Variants in SRSF10 observed in about 807,000 individuals in gnomAD.
The protein encoded by SRSF10 is serine/arginine-rich splicing factor 10.
Under a neutral mutation model 32.6 loss-of-function variants are expected in SRSF10, and 9 were observed. The ratio of observed to expected loss-of-function variants is 0.28; its 90% CI spans 0.17 to 0.48. The LOEUF (loss-of-function observed/expected upper bound fraction) is 0.48. Among genes scored for constraint, SRSF10 ranks in the 20% least tolerant of loss-of-function variants. The pLI is 0.99. For missense variants in SRSF10, 201 were observed against 331.8 expected (o/e 0.61, Z 3.06); for synonymous variants, 105 against 112.4 (o/e 0.93, Z 0.42).
chr1:23,974,966 G>GTAC lies in SRSF10; in HGVS notation c.274+5_274+7dup. On this transcript the variant is annotated splice_region_variant and intron_variant, in intron 3 of 5. Coordinates refer to ENST00000492112, the MANE Select transcript of SRSF10 (RefSeq NM_054016.4). ...TGTTTCATACATATCAGGCATAAGGGTACTTACTCTTTCGATCCCCCTGGG... is the reference window on the plus strand; with the variant it reads ...TGTTTCATACATATCAGGCATAAGGGTACTACTTACTCTTTCGATCCCCCTGGG... The GTAC allele has an allele frequency of 6.3e-7, 1 of 1,589,556 alleles. No individual in the cohort carries two copies. The highest frequency in any genetic ancestry group is 8.6e-7 in the Non-Finnish European group (1 of 1,157,952).
chr1:23,978,391 T>A, intron 2 of SRSF10: 1 of 819,116 alleles, frequency 1.2e-6, no homozygotes, highest in Non-Finnish European at 1.5e-6. Flanking sequence ...TACCAAATTT[T>A]AATTGCTAAG....
Position 23,971,227 on chromosome 1 carries a change from G to A in SRSF10, c.704C>T (p.Ser235Phe). Residue 235 changes from serine (S) to phenylalanine (F), a missense_variant, in exon 6 of 6, where the codon TCC becomes TTC. Ser to Phe is a radical substitution (Grantham distance 155). Around this residue, in one of 3 missense-constraint regions of SRSF10, gnomAD observed 159 missense variants for 196.7 expected, o/e 0.81. Coordinates refer to ENST00000492112, the MANE Select transcript of SRSF10 (RefSeq NM_054016.4). ...KESRKKEPPR[S>F]KSQSRSQSRS... ...AGACTGTGATCTTGACTGAGATTTG[G>A]ATCTAGGTGGTTCTTTTTTCCTTGA... 3 of 1,614,086 alleles carry A rather than the reference G, an allele frequency of 1.9e-6. No homozygotes were observed. The highest frequency in any genetic ancestry group is 1.1e-5 in the South Asian group (1 of 91,076).
chr1:23,972,021 T>C lies in SRSF10; in HGVS notation c.275-9A>G, dbSNP rs751419469. On this transcript the variant is annotated splice_polypyrimidine_tract_variant and intron_variant, in intron 3 of 5. Transcript: ENST00000492112. Reference sequence around the variant, plus strand: ...TTTCATCTGATTTGGTGCTAGGAAATACAAAGAACAGAAATATTTAAAAAT... The same window carrying C: ...TTTCATCTGATTTGGTGCTAGGAAACACAAAGAACAGAAATATTTAAAAAT... 204 of 1,473,886 alleles carry C rather than the reference T, an allele frequency of 1.4e-4. 6 individuals are homozygous for C. In the South Asian group the frequency reaches 2.9e-3, roughly 21 times the overall value. 91.3% of individuals were successfully genotyped at this position (1,473,886 alleles called of 1,614,324 possible).
At position 23,972,441 on chromosome 1, in the gene SRSF10, T is replaced by A. The variant is rs138271142; in HGVS notation, c.275-429A>T. Among the ~76,000 whole-genome samples, 674 of 151,216 alleles carry A rather than the reference T, an allele frequency of 4.5e-3. 4 individuals carry two copies. The highest frequency in any genetic ancestry group is 6.8e-3 in the Non-Finnish European group (462 of 67,720). ...TATGTGTTTTGGTGTCTTTTTTTTT[T>A]AATTATTTTAATTTTTGAGACCAGG... On this transcript the variant is annotated intron_variant, in intron 3 of 5. Transcript: ENST00000492112.
At chr1:23,980,034 G>A (rs1642366430) in intron 1 of SRSF10, among the ~76,000 whole-genome samples, 157 bp downstream of exon 1, 4 of 152,246 alleles carry the variant, frequency 2.6e-5, no homozygotes, top group Non-Finnish European at 5.9e-5. Context: ...CGCGGCGGCT[G>A]AGGCCCGCTG....
chr1:23,973,483 A>AT (rs1328861309), intron 3 of SRSF10, among the ~76,000 whole-genome samples: 3 of 152,126 alleles, frequency 2.0e-5, no homozygotes, highest in Admixed American at 2.0e-4. Flanking sequence ...AGCCTGGCTA[A>AT]TTTTTTATTT....
chr1:23,979,419 T>C (rs1642312496), intron 1 of SRSF10, among the ~76,000 whole-genome samples: 2 of 151,984 alleles, frequency 1.3e-5, no homozygotes, highest in Non-Finnish European at 2.9e-5. Context: ...TGTAGATTCA[T>C]TATTTGTGAA....
chr1:23,972,157 C>G (rs1641796590), intron 3 of SRSF10, 145 bp from the exon 4 acceptor site: 4 of 640,580 alleles, frequency 6.2e-6, no homozygotes, highest in Middle Eastern at 4.6e-4. Context: ...ACCTGTGATC[C>G]CACTACTTTG....
chr1:23,977,204 A>G, intron 2 of SRSF10: 1 of 152,204 alleles, frequency 6.6e-6, no homozygotes, highest in Non-Finnish European at 1.5e-5. Flanking sequence ...CTAACTTAAA[A>G]GTTTGAGGCT....
At chr1:23,974,658 G>A (rs1052111900) in intron 3 of SRSF10, among the ~76,000 whole-genome samples, 169 of 152,132 alleles carry the variant, frequency 1.1e-3, no homozygotes, top group African/African-American at 3.7e-3. Context: ...GTGAAACTCC[G>A]TCTCTACTAA....
chr1:23,975,147 C>T (rs1642007986), intron 2 of SRSF10, 70 bp from the exon 3 acceptor site: 4 of 1,194,534 alleles, frequency 3.3e-6, no homozygotes, highest in Non-Finnish European at 3.7e-6. Context: ...GTTGGTATGT[C>T]TGGAACAATT....
rs1362666098 is a variant in SRSF10, at chr1:23,969,510, C to T, written c.*1632G>A. The stretch of plus-strand genomic sequence containing the variant: ...TCCACAAACAGTATTTAAAATCCAT[C>T]GTTGTATTCTTTACAGGCAAAGCCT... On this transcript the variant is annotated 3_prime_UTR_variant, in exon 6 of 6. Coordinates refer to ENST00000492112, the MANE Select transcript of SRSF10 (RefSeq NM_054016.4). The T allele has an allele frequency of 2.0e-5, 20 of 985,230 alleles. No individual in the cohort carries two copies. In the African/African-American group the frequency reaches 2.1e-4, roughly 10 times the overall value. The allele number at this position is 985,230 out of a possible 1,614,324, so 61.0% of individuals were successfully genotyped here.
At position 23,971,148 on chromosome 1, in the gene SRSF10, G is replaced by T; in HGVS notation, c.783C>A (p.Gly261=). The T allele has an allele frequency of 6.2e-7, 1 of 1,603,942 alleles. No homozygotes were observed. The highest frequency in any genetic ancestry group is 8.5e-7 in the Non-Finnish European group (1 of 1,176,544). The change falls in exon 6 of 6, where the codon GGC becomes GGA. Residue 261 remains glycine, a synonymous_variant. Coordinates refer to ENST00000492112, the MANE Select transcript of SRSF10 (RefSeq NM_054016.4). ...ATGACCATGGTTTATACTATCAGTGGCCACTGGACTTAGGACTAGTCCAAG... is the reference window on the plus strand; with the variant it reads ...ATGACCATGGTTTATACTATCAGTGTCCACTGGACTTAGGACTAGTCCAAG... ...SRSWTSPKSS[G]H
intron 3 of SRSF10, among the ~76,000 whole-genome samples, chr1:23,974,191 C>G (rs1166467416): frequency 6.6e-6 from 1 of 152,038 alleles, no homozygotes; most frequent in Admixed American, 6.5e-5. Flanking sequence ...CGGGGTTTTA[C>G]CATGACCTTG....
intron 2 of SRSF10, chr1:23,978,303 G>A: frequency 1.0e-6 from 1 of 992,994 alleles, no homozygotes; most frequent in Non-Finnish European, 1.2e-6. Context: ...CAGCAAATTA[G>A]GGGACAATAT....
In SRSF10 at chr1:23,967,730, T is replaced by G; in HGVS notation, c.*3412A>C. 6.2e-7 allele frequency: 1 copy of G among 1,611,826 alleles called. No individual in the cohort carries two copies. Among genetic ancestry groups the G allele is most frequent in the Non-Finnish European group, 8.5e-7 (1 of 1,178,150 alleles). ...ATTCCAGCTGCAGTTTGGTCTTAAATAAAAGAAGGATGTTTGTCAGTTTGG... is the reference window on the plus strand; with the variant it reads ...ATTCCAGCTGCAGTTTGGTCTTAAAGAAAAGAAGGATGTTTGTCAGTTTGG... On this transcript the variant is annotated 3_prime_UTR_variant, in exon 6 of 6. Coordinates refer to ENST00000492112, the MANE Select transcript of SRSF10 (RefSeq NM_054016.4).
intron 3 of SRSF10, among the ~76,000 whole-genome samples, chr1:23,972,564 T>A (rs779521575): frequency 3.1e-4 from 47 of 151,954 alleles, no homozygotes; most frequent in Non-Finnish European, 5.9e-4. Flanking sequence ...TGCCTCAGCC[T>A]CCTGAGGAGC....
chr1:23,980,193 G>A lies in SRSF10; in HGVS notation c.63C>T (p.Thr21=). 4 of 1,529,584 alleles carry A rather than the reference G, an allele frequency of 2.6e-6. No individual in the cohort carries two copies. The highest frequency in any genetic ancestry group is 3.5e-6 in the Non-Finnish European group (4 of 1,136,960). The allele number at this position is 1,529,584 out of a possible 1,614,324, so 94.8% of individuals were successfully genotyped here. ...CGGAGTACCTGCCTTGTACCTACCTGGTGTCGTCGGCCACGTTCCTGACGA... is the reference window on the plus strand; with the variant it reads ...CGGAGTACCTGCCTTGTACCTACCTAGTGTCGTCGGCCACGTTCCTGACGA... The part of the protein sequence containing the change: ...SLFVRNVADD[T]RSEDLRREFG... Residue 21 remains threonine (T), a splice_region_variant and synonymous_variant, in exon 1 of 6, where the codon ACC becomes ACT. Transcript: ENST00000492112.
chr1:23,974,966 G>T lies in SRSF10; in HGVS notation c.274+8C>A. ...TGTTTCATACATATCAGGCATAAGG[G>T]TACTTACTCTTTCGATCCCCCTGGG... is the stretch of plus-strand genomic sequence containing the variant. On this transcript the variant is annotated splice_region_variant and intron_variant, in intron 3 of 5. Transcript: ENST00000492112. The T allele has an allele frequency of 6.3e-6, 10 of 1,589,550 alleles. No homozygotes were observed. The South Asian group carries it at 1.1e-4, about 18-fold the overall frequency.
Sources: allele counts gnomAD v4.1 joint callset (sites outside exome capture counted in the v4.1 genomes callset), GRCh38; gene constraint gnomAD v4.1.1; regional missense constraint gnomAD v4.1.1; transcripts MANE v1.5; gene names NCBI Gene and HGNC (gene_info 2026-07-23, HGNC 2026-07-21).